The following CSMD1 variants were observed in gnomAD, a reference collection of about 807,000 sequenced individuals.
CSMD1 encodes the protein CUB and Sushi multiple domains 1.
A neutral mutation model predicts 417.5 loss-of-function variants in CSMD1; 213 were observed. That is an observed-to-expected ratio of 0.51 (90% CI 0.46 to 0.57). The LOEUF (loss-of-function observed/expected upper bound fraction) is 0.57, where lower values mean the gene tolerates loss of function less well. CSMD1 is among the 20% of genes least tolerant of loss of function. The pLI, the probability that CSMD1 is intolerant of heterozygous loss-of-function variation, is 0.00. For missense variants in CSMD1, 6,923 were observed against 4,529.7 expected (o/e 1.53, Z -15.17); for synonymous variants, 2,862 against 1,736.8 (o/e 1.65, Z -16.11).
chr8:4,968,655 G>C (rs551855453), intron 1 of CSMD1, among the ~76,000 whole-genome samples: 2 of 152,228 alleles, frequency 1.3e-5, no homozygotes, highest in Middle Eastern at 3.4e-3. Flanking sequence ...TCAACAGCTA[G>C]TGTGGTTCAA....
chr8:3,643,319 A>C (rs1209073029), intron 7 of CSMD1, among the ~76,000 whole-genome samples: 1 of 151,784 alleles, frequency 6.6e-6, no homozygotes, highest in African/African-American at 2.4e-5. Context: ...AAAGAGGTGA[A>C]AAAAAATGAG....
At chr8:4,274,710 C>T (rs914536394) in intron 3 of CSMD1, among the ~76,000 whole-genome samples, 3 of 152,088 alleles carry the variant, frequency 2.0e-5, no homozygotes, top group African/African-American at 4.8e-5. Flanking sequence ...GCAAAGTCAA[C>T]ATAATACATA....
chr8:2,977,479 C>T lies in CSMD1; in HGVS notation c.8566+1133G>A, dbSNP rs138115406. ...CACGTTCCACGGTGTGTATGTACCACGTTTTCTTTATTCAGTGTTTTACTG... is the reference window on the plus strand; with the variant it reads ...CACGTTCCACGGTGTGTATGTACCATGTTTTCTTTATTCAGTGTTTTACTG... On this transcript the variant is annotated intron_variant, in intron 55 of 69. Coordinates refer to ENST00000635120, the MANE Select transcript of CSMD1 (RefSeq NM_033225.6). 5.9e-3 allele frequency among the ~76,000 whole-genome samples: 901 copies of T among 152,266 alleles called. 9 individuals are homozygous for T. Among genetic ancestry groups the T allele is most frequent in the African/African-American group, 0.021 (854 of 41,564 alleles).
At chr8:4,698,501 T>C (rs1807282051) in intron 1 of CSMD1, among the ~76,000 whole-genome samples, 1 of 152,086 alleles carries the variant, frequency 6.6e-6, no homozygotes, top group Non-Finnish European at 1.5e-5. Flanking sequence ...AGCTCAGGTG[T>C]GTGTTAGGCC....
At chr8:3,674,158 C>A (rs1228559390) in intron 7 of CSMD1, among the ~76,000 whole-genome samples, 3 of 152,094 alleles carry the variant, frequency 2.0e-5, no homozygotes, top group Non-Finnish European at 4.4e-5. Context: ...TGTTGAGCAA[C>A]ATTCATAATG....
Position 4,529,301 on chromosome 8 carries a change from C to G in CSMD1, c.302+108041G>C, listed in dbSNP as rs141007920. Among the ~76,000 whole-genome samples the G allele has an allele frequency of 8.0e-4, 121 of 152,118 alleles. 1 individual carries two copies. The highest frequency in any genetic ancestry group is 9.1e-4 in the Non-Finnish European group (62 of 68,030). ...AGGTACATAGTGCACAACATTACAA[C>G]AGATTGTATGCAAAAAAAATTACAA... On this transcript the variant is annotated intron_variant, in intron 2 of 69. Transcript: ENST00000635120.
At chr8:3,848,026 CAT>C (rs150904397) in intron 5 of CSMD1, among the ~76,000 whole-genome samples, 3,900 of 151,990 alleles carry the variant, frequency 0.026, 74 homozygotes, top group African/African-American at 0.054. Flanking sequence ...TTTCCTGACA[CAT>C]GTTTTTATTT....
chr8:3,265,965 T>C (rs1189693202), intron 26 of CSMD1, among the ~76,000 whole-genome samples: 1 of 151,858 alleles, frequency 6.6e-6, no homozygotes, highest in Non-Finnish European at 1.5e-5. Context: ...ATGCGTTATT[T>C]TTAGATGTCT....
chr8:4,331,747 G>A (rs1239835777), intron 3 of CSMD1, among the ~76,000 whole-genome samples: 1 of 152,064 alleles, frequency 6.6e-6, no homozygotes, highest in East Asian at 1.9e-4. Context: ...ATATTAACCA[G>A]CTTCGGTCCA....
chr8:4,863,290 G>T (rs1802240158), intron 1 of CSMD1, among the ~76,000 whole-genome samples: 1 of 151,992 alleles, frequency 6.6e-6, no homozygotes, highest in Admixed American at 6.5e-5. Context: ...ACGGCGCATG[G>T]TATATAAAAA....
rs567568462 is a variant in CSMD1, at chr8:4,197,743, G to C, written c.416-165644C>G. ...AAAATACAAAAATTAGCTGGGCATGGTGGTGCGTTCTTGTAATCCCAGCTA... is the reference window on the plus strand; with the variant it reads ...AAAATACAAAAATTAGCTGGGCATGCTGGTGCGTTCTTGTAATCCCAGCTA... On this transcript the variant is annotated intron_variant, in intron 3 of 69. Coordinates refer to ENST00000635120, the MANE Select transcript of CSMD1 (RefSeq NM_033225.6). Among the ~76,000 whole-genome samples the C allele has an allele frequency of 3.3e-5, 5 of 152,268 alleles. No individual in the cohort carries two copies. In the South Asian group the frequency reaches 8.3e-4, roughly 25 times the overall value.
chr8:3,979,872 C>A (rs999658550), intron 5 of CSMD1, among the ~76,000 whole-genome samples: 1 of 152,168 alleles, frequency 6.6e-6, no homozygotes, highest in Admixed American at 6.5e-5. Context: ...ATACTGTAGA[C>A]AGTCACAAAT....
At chr8:4,475,332 TAA>T (rs1389565617) in intron 2 of CSMD1, among the ~76,000 whole-genome samples, 1 of 152,158 alleles carries the variant, frequency 6.6e-6, no homozygotes, top group African/African-American at 2.4e-5. Context: ...GATAGCTTCA[TAA>T]GACAGAAGCA....
At chr8:4,836,690 G>A (rs1800514842) in intron 1 of CSMD1, among the ~76,000 whole-genome samples, 1 of 151,904 alleles carries the variant, frequency 6.6e-6, no homozygotes, top group Non-Finnish European at 1.5e-5. Flanking sequence ...TCATCTCGTC[G>A]CTTCCACCTT....
intron 21 of CSMD1, among the ~76,000 whole-genome samples, chr8:3,349,503 T>C (rs564287881): frequency 8.6e-5 from 13 of 151,754 alleles, no homozygotes; most frequent in African/African-American, 2.9e-4. Flanking sequence ...CCTCCTTAAA[T>C]AAAGACAGAA....
In CSMD1 at chr8:4,629,742, C is replaced by G. The variant is rs183867335; in HGVS notation, c.302+7600G>C. On this transcript the variant is annotated intron_variant, in intron 2 of 69. Coordinates refer to ENST00000635120, the MANE Select transcript of CSMD1 (RefSeq NM_033225.6). ...TTTATTTTGCTACAAACAGCAAAGA[C>G]TAGATTTACTATTGTATAAAACAGT... 2.2e-3 allele frequency among the ~76,000 whole-genome samples: 334 copies of G among 152,228 alleles called. 2 individuals carry two copies. Among genetic ancestry groups the G allele is most frequent in the African/African-American group, 7.8e-3 (324 of 41,528 alleles).
intron 5 of CSMD1, among the ~76,000 whole-genome samples, chr8:3,859,048 T>G (rs950581908): frequency 3.3e-5 from 5 of 152,138 alleles, no homozygotes; most frequent in African/African-American, 1.2e-4. Flanking sequence ...TAAGTGAAAT[T>G]TTACATTATT....
chr8:4,870,160 A>G (rs983159293), intron 1 of CSMD1, among the ~76,000 whole-genome samples: 12 of 152,146 alleles, frequency 7.9e-5, no homozygotes, highest in African/African-American at 2.4e-4. Flanking sequence ...ATGTTTAAAC[A>G]TCATGGAAAT....
At chr8:4,418,269 C>T (rs553722925) in intron 3 of CSMD1, among the ~76,000 whole-genome samples, 2 of 152,098 alleles carry the variant, frequency 1.3e-5, no homozygotes, top group Admixed American at 6.5e-5. Context: ...AACTTATGGC[C>T]CTATTCCATT....
Sources: allele counts gnomAD v4.1 joint callset (sites outside exome capture counted in the v4.1 genomes callset), GRCh38; gene constraint gnomAD v4.1.1; transcripts MANE v1.5; gene names NCBI Gene and HGNC (gene_info 2026-07-23, HGNC 2026-07-21).